IL17RD: variants seen among roughly 807,000 people sequenced by gnomAD.
IL17RD encodes interleukin 17 receptor D.
In IL17RD, 52 loss-of-function variants were observed where a neutral mutation model predicts 80.5. The ratio of observed to expected loss-of-function variants is 0.65; its 90% CI spans 0.52 to 0.81. The LOEUF is 0.81. Ranked by LOEUF, IL17RD falls within the 40% of genes least tolerant of loss-of-function variation. IL17RD has a pLI of 0.00. For synonymous variants in IL17RD, 416 were observed against 391.8 expected, an observed-to-expected ratio of 1.06 and a Z score of -0.73; for missense variants, 1,024 against 955.1, an observed-to-expected ratio of 1.07 and a Z score of -0.95.
intron 1 of IL17RD, among the ~76,000 whole-genome samples, chr3:57,143,967 T>C (rs772442161): frequency 2.0e-5 from 3 of 152,316 alleles, no homozygotes; most frequent in Non-Finnish European, 4.4e-5. Context: ...TCCACACCAT[T>C]GGTCTCATTT....
At chr3:57,146,027 ACT>A (rs1491186762) in intron 1 of IL17RD, among the ~76,000 whole-genome samples, 4 of 128,086 alleles carry the variant, frequency 3.1e-5, no homozygotes, top group Non-Finnish European at 4.9e-5. Flanking sequence ...GCACACACAC[ACT>A]CACGCGCGCG....
rs1274389475 is a variant in IL17RD, at chr3:57,141,735, A to G, written c.127-21422T>C. ...GCAATTCTCCCCATACTAGAACACC[A>G]TGCCAACATCCTAATAAGACTGGTA... is the stretch of plus-strand genomic sequence containing the variant. On this transcript the variant is annotated intron_variant, in intron 1 of 12. Coordinates refer to ENST00000296318, the MANE Select transcript of IL17RD (RefSeq NM_017563.5). Among the ~76,000 whole-genome samples the G allele has an allele frequency of 2.0e-5, 3 of 152,366 alleles. No homozygotes were observed. In the East Asian group the frequency reaches 5.8e-4, roughly 29 times the overall value.
intron 1 of IL17RD, among the ~76,000 whole-genome samples, chr3:57,158,708 T>C (rs537033660): frequency 2.0e-5 from 3 of 152,346 alleles, no homozygotes; most frequent in East Asian, 3.9e-4. Context: ...TATTAGAAAC[T>C]AGTTATTCGT....
At position 57,097,618 on chromosome 3, in the gene IL17RD, G is replaced by C. The variant is rs746411570; in HGVS notation, c.2085C>G (p.Ser695Arg). The C allele has an allele frequency of 1.3e-6, 2 of 1,581,036 alleles. No individual in the cohort carries two copies. Among genetic ancestry groups the C allele is most frequent in the Non-Finnish European group, 1.7e-6 (2 of 1,163,844 alleles). Residue 695 changes from serine (S) to arginine (R), a missense_variant, in exon 12 of 13, where the codon AGC becomes AGG. Transcript: ENST00000296318. ...TACCCAGGCCTGAAGAGGAGGACAC[G>C]CTCTCCGTCAGGGAAGACGTTTCTG... ...DQTETSSLTE[S>R]VSSSSGLGEE...
At chr3:57,141,448 G>A (rs1459420715) in intron 1 of IL17RD, among the ~76,000 whole-genome samples, 1 of 152,090 alleles carries the variant, frequency 6.6e-6, no homozygotes, top group Non-Finnish European at 1.5e-5. Flanking sequence ...TTTCATTTCT[G>A]AGGGATGGAA....
chr3:57,136,915 C>T (rs1283109914), intron 1 of IL17RD, among the ~76,000 whole-genome samples: 1 of 152,126 alleles, frequency 6.6e-6, no homozygotes, highest in African/African-American at 2.4e-5. Flanking sequence ...TAAGGTTACA[C>T]TGCCTAGAAT....
At chr3:57,113,907 TG>T (rs1383732636) in intron 3 of IL17RD, among the ~76,000 whole-genome samples, 1 of 151,738 alleles carries the variant, frequency 6.6e-6, no homozygotes, top group East Asian at 2.0e-4. Flanking sequence ...AAATTAAAGC[TG>T]GGCGCAGTGG....
chr3:57,106,990 A>G (rs1706978677), intron 5 of IL17RD, among the ~76,000 whole-genome samples: 1 of 152,184 alleles, frequency 6.6e-6, no homozygotes, highest in East Asian at 1.9e-4. Context: ...GCTTTCATAA[A>G]CACATTCTTT....
chr3:57,156,629 T>C (rs1428089309), intron 1 of IL17RD, among the ~76,000 whole-genome samples: 3 of 152,140 alleles, frequency 2.0e-5, no homozygotes, highest in African/African-American at 7.2e-5. Flanking sequence ...CAATATTCAC[T>C]CAATGAATGA....
intron 1 of IL17RD, among the ~76,000 whole-genome samples, chr3:57,147,816 T>A (rs1707963325): frequency 1.3e-5 from 2 of 152,272 alleles, no homozygotes; most frequent in South Asian, 4.1e-4. Flanking sequence ...ACACAGTGAT[T>A]ATAGCAGCTA....
intron 3 of IL17RD, among the ~76,000 whole-genome samples, chr3:57,113,620 G>T (rs538201961): frequency 6.6e-5 from 10 of 152,214 alleles, no homozygotes; most frequent in African/African-American, 2.2e-4. Flanking sequence ...GCTAACTGTA[G>T]CATCAAATGC....
chr3:57,160,793 G>A (rs533200614), intron 1 of IL17RD, among the ~76,000 whole-genome samples: 2 of 152,156 alleles, frequency 1.3e-5, no homozygotes, highest in Admixed American at 1.3e-4. Flanking sequence ...TACAGCATGC[G>A]TATCCTCAAA....
Position 57,114,692 on chromosome 3 carries a change from C to G in IL17RD, c.310G>C (p.Gly104Arg). 1 of 1,605,124 alleles carries G rather than the reference C, an allele frequency of 6.2e-7. No homozygotes were observed. Among genetic ancestry groups the G allele is most frequent in the Non-Finnish European group, 8.5e-7 (1 of 1,176,516 alleles). ...VTILWSPGAL[G>R]IEFLKGFRVI... is the part of the protein sequence containing the mutation. ...ATGCACTCGATTTTTGACCACTCACCGAGGGCCCCTGGGGACCAAAGAATG... is the reference window on the plus strand; with the variant it reads ...ATGCACTCGATTTTTGACCACTCACGGAGGGCCCCTGGGGACCAAAGAATG... Residue 104 changes from glycine to arginine, a missense_variant and splice_region_variant, in exon 3 of 13, where the codon GGC becomes CGC. Gly to Arg is a moderately radical substitution (Grantham distance 125). Transcript: ENST00000296318.
intron 1 of IL17RD, among the ~76,000 whole-genome samples, chr3:57,146,989 ATTTT>A (rs1244457109): frequency 7.9e-6 from 1 of 126,474 alleles, no homozygotes; most frequent in African/African-American, 2.9e-5. Flanking sequence ...TGCCCGGCTA[ATTTT>A]TTTTTTTTTT....
Position 57,092,741 on chromosome 3 carries a change from A to C in IL17RD, c.*3652T>G, listed in dbSNP as rs569106058. ...TGTCCAGTGCATTCAGAATCACGTC[A>C]AATTTCTTTGCGGGGGAGACTGGAG... On this transcript the variant is annotated 3_prime_UTR_variant, in exon 13 of 13. Transcript: ENST00000296318. 5 of 152,334 alleles carry C rather than the reference A, an allele frequency of 3.3e-5. No homozygotes were observed. In the South Asian group the frequency reaches 1.0e-3, roughly 32 times the overall value. The allele number at this position is 152,334 out of a possible 1,614,324, so 9.4% of individuals were successfully genotyped here.
chr3:57,127,399 T>A (rs145804039), intron 1 of IL17RD, among the ~76,000 whole-genome samples: 3,125 of 89,586 alleles, frequency 0.035, 501 homozygotes, highest in East Asian at 0.2. Flanking sequence ...TAAATAAATA[T>A]ATATATATAT....
intron 1 of IL17RD, 111 bp downstream of exon 1, chr3:57,165,050 A>C (rs1233972736): frequency 7.4e-7 from 1 of 1,356,800 alleles, no homozygotes; most frequent in Non-Finnish European, 9.4e-7. Context: ...CCGGCCGCGG[A>C]CCCCGCGAAG....
At chr3:57,136,372 C>T (rs1415439721) in intron 1 of IL17RD, among the ~76,000 whole-genome samples, 1 of 152,188 alleles carries the variant, frequency 6.6e-6, no homozygotes, top group East Asian at 1.9e-4. Context: ...GTGGCTCCCA[C>T]CTGTAATCCC....
intron 1 of IL17RD, among the ~76,000 whole-genome samples, chr3:57,139,375 T>C (rs1707788143): frequency 6.6e-6 from 1 of 152,212 alleles, no homozygotes; most frequent in Non-Finnish European, 1.5e-5. Flanking sequence ...TCTTTTTAAA[T>C]GCTTTTTAAA....
Sources: allele counts gnomAD v4.1 joint callset (sites outside exome capture counted in the v4.1 genomes callset), GRCh38; gene constraint gnomAD v4.1.1; transcripts MANE v1.5; gene names NCBI Gene and HGNC (gene_info 2026-07-23, HGNC 2026-07-21).